Variants in RTF2 observed in about 807,000 individuals in gnomAD.
The protein encoded by RTF2 is UPF0549 protein C20orf43.
In RTF2, 18 loss-of-function variants were observed where a neutral mutation model predicts 38.0. The observed-to-expected ratio is 0.47, with a 90% CI of 0.33 to 0.70. The LOEUF (loss-of-function observed/expected upper bound fraction) is 0.70. Among genes scored for constraint, RTF2 ranks in the 30% least tolerant of loss-of-function variants. The probability of loss-of-function intolerance (pLI) is 0.02; values close to 1 mark genes in which losing one functional copy is unlikely to be tolerated. For missense variants in RTF2, 311 were observed against 379.6 expected (o/e 0.82, Z 1.50); for synonymous variants, 126 against 137.1 (o/e 0.92, Z 0.57).
chr20:56,509,402 G>A (rs1177426640), intron 5 of RTF2, among the ~76,000 whole-genome samples: 8 of 151,972 alleles, frequency 5.3e-5, no homozygotes, highest in South Asian at 2.1e-4. Flanking sequence ...ACCTGAGGTC[G>A]GGAGTTCAAG....
intron 5 of RTF2, among the ~76,000 whole-genome samples, chr20:56,512,876 A>G (rs1984773766): frequency 6.6e-6 from 1 of 152,206 alleles, no homozygotes; most frequent in Non-Finnish European, 1.5e-5. Context: ...GTTTTTGCCC[A>G]GGGAAGCAAA....
chr20:56,482,551 TATATA>T (rs1982578132), intron 4 of RTF2, among the ~76,000 whole-genome samples: 1 of 152,234 alleles, frequency 6.6e-6, no homozygotes, highest in African/African-American at 2.4e-5. Context: ...AAGATTTAAA[TATATA>T]GAAAAATGGA....
intron 1 of RTF2, chr20:56,470,819 C>T (rs1258767067): frequency 5.2e-6 from 2 of 382,078 alleles, no homozygotes; most frequent in Admixed American, 2.9e-5. Flanking sequence ...ACAACATCCA[C>T]ATGCCAGGAG....
At chr20:56,473,825 C>A (rs1171495457) in intron 2 of RTF2, among the ~76,000 whole-genome samples, 1 of 152,028 alleles carries the variant, frequency 6.6e-6, no homozygotes, top group African/African-American at 2.4e-5. Flanking sequence ...GAGGTTGAAG[C>A]TGTAGTAAGC....
At chr20:56,517,052 G>C (rs368600068) in intron 7 of RTF2, 54 bp from the exon 8 acceptor site, 4 of 1,608,928 alleles carry the variant, frequency 2.5e-6, no homozygotes, top group Non-Finnish European at 3.4e-6. Flanking sequence ...CTGCTAATAT[G>C]TTCATGCTTT....
chr20:56,468,689 C>A lies in RTF2; in HGVS notation c.-9C>A, dbSNP rs200260681. On this transcript the variant is annotated 5_prime_UTR_variant, in exon 1 of 9. Transcript: ENST00000357348. Reference sequence around the variant, plus strand: ...GGGGTTTGCTGCTGGCTCTGACTCCCGTCCTGCGATGGGTTGCGACGGGGG... The same window carrying A: ...GGGGTTTGCTGCTGGCTCTGACTCCAGTCCTGCGATGGGTTGCGACGGGGG... 1.5e-5 allele frequency: 23 copies of A among 1,572,552 alleles called. No homozygotes were observed. In the Admixed American group the frequency reaches 3.4e-4, roughly 23 times the overall value.
At chr20:56,478,343 TA>T (rs1172074526) in intron 4 of RTF2, among the ~76,000 whole-genome samples, 1 of 151,986 alleles carries the variant, frequency 6.6e-6, no homozygotes, top group Non-Finnish European at 1.5e-5. Context: ...AATTTTTTTT[TA>T]ATTAGCCAGC....
In RTF2 at chr20:56,518,186, T is replaced by A; in HGVS notation, c.842T>A (p.Leu281His). ...DSEESEAYKS[L>H]FTTHSSAKRS... Reference sequence around the variant, plus strand: ...GAAGAATCGGAGGCCTACAAGTCCCTCTTTACCACTCACAGCTCCGCCAAG... The same window carrying A: ...GAAGAATCGGAGGCCTACAAGTCCCACTTTACCACTCACAGCTCCGCCAAG... Residue 281 changes from leucine to histidine, a missense_variant, in exon 9 of 9, where the codon CTC becomes CAC. Transcript: ENST00000357348. The A allele has an allele frequency of 6.2e-7, 1 of 1,614,156 alleles. No homozygotes were observed. The highest frequency in any genetic ancestry group is 8.5e-7 in the Non-Finnish European group (1 of 1,180,018).
intron 5 of RTF2, among the ~76,000 whole-genome samples, chr20:56,500,950 C>T (rs910300855): frequency 1.3e-5 from 2 of 151,860 alleles, no homozygotes; most frequent in Non-Finnish European, 2.9e-5. Context: ...TTTGTAGAGA[C>T]AAGGTTTTGC....
chr20:56,517,089 C>T lies in RTF2; in HGVS notation c.647-17C>T. 6.2e-7 allele frequency: 1 copy of T among 1,613,672 alleles called. No homozygotes were observed. Among genetic ancestry groups the T allele is most frequent in the Non-Finnish European group, 8.5e-7 (1 of 1,179,600 alleles). ...TTTTGCATTGTTTTTGCTTTGCCTA[C>T]TTTGTTTCTTTTACAGAAGCCCCAG... On this transcript the variant is annotated splice_polypyrimidine_tract_variant and intron_variant, in intron 7 of 8. Transcript: ENST00000357348.
rs1220500868 is a variant in RTF2 at position 56,473,398 on chromosome 20, A to G, written c.164+3A>G. On this transcript the variant is annotated splice_donor_region_variant and intron_variant, in intron 2 of 8. Coordinates refer to ENST00000357348, the MANE Select transcript of RTF2 (RefSeq NM_016407.5). ...ATAGTTGCCTGTGAACTTGGCAGGT[A>G]TGGTTTTTACACTTAATCAAGATGA... 19 of 1,601,888 alleles carry G rather than the reference A, an allele frequency of 1.2e-5. No individual in the cohort carries two copies. In the Middle Eastern group the frequency reaches 5.0e-4, roughly 42 times the overall value.
chr20:56,497,294 T>C lies in RTF2; in HGVS notation c.477+13105T>C, dbSNP rs1983610694. On this transcript the variant is annotated intron_variant, in intron 5 of 8. Transcript: ENST00000357348. ...TATATGCCAAAGAGAAATCGCCCTC[T>C]TCTGCAGACAGGGGTCTGGTTATGA... The C allele has an allele frequency of 2.6e-6, 4 of 1,551,082 alleles. No individual in the cohort carries two copies. The South Asian group carries it at 4.8e-5, about 18-fold the overall frequency.
chr20:56,495,144 T>G, intron 5 of RTF2: 1 of 1,234,042 alleles, frequency 8.1e-7, no homozygotes, highest in Non-Finnish European at 1.2e-6. Flanking sequence ...GAGGCAGCAG[T>G]TTTATAGTTG....
At chr20:56,472,346 G>C in intron 1 of RTF2, 1 of 1,544,100 alleles carries the variant, frequency 6.5e-7, no homozygotes, top group Non-Finnish European at 8.8e-7. Flanking sequence ...TGAAGAATGG[G>C]AAAGAGTGGT....
chr20:56,478,776 A>C (rs971515583), intron 4 of RTF2, among the ~76,000 whole-genome samples: 1 of 152,212 alleles, frequency 6.6e-6, no homozygotes, highest in Non-Finnish European at 1.5e-5. Context: ...TGACTCTTTC[A>C]TGAAAGATTT....
chr20:56,505,626 C>T (rs1984219944), intron 5 of RTF2, among the ~76,000 whole-genome samples: 3 of 152,082 alleles, frequency 2.0e-5, no homozygotes, highest in South Asian at 4.2e-4. Flanking sequence ...CATTCTACAT[C>T]TGGAAGGAGG....
intron 1 of RTF2, 37 bp from the exon 2 acceptor site, chr20:56,473,264 G>C (rs778589474): frequency 2.2e-6 from 3 of 1,395,122 alleles, no homozygotes; most frequent in East Asian, 4.6e-5. Context: ...GTGTCTTTCA[G>C]AGTTGAAAAT....
At chr20:56,514,323 T>C (rs1984880485) in intron 6 of RTF2, 1 of 151,924 alleles carries the variant, frequency 6.6e-6, no homozygotes, top group Admixed American at 6.6e-5. Flanking sequence ...ATACAGGCCT[T>C]TCGTGAGTGG....
chr20:56,478,540 A>G (rs754555681), intron 4 of RTF2, among the ~76,000 whole-genome samples: 6 of 152,330 alleles, frequency 3.9e-5, no homozygotes, highest in Middle Eastern at 3.4e-3. Flanking sequence ...TAAGTGTGCA[A>G]TAGCATTATG....
Sources: allele counts gnomAD v4.1 joint callset (sites outside exome capture counted in the v4.1 genomes callset), GRCh38; gene constraint gnomAD v4.1.1; transcripts MANE v1.5; gene names NCBI Gene and HGNC (gene_info 2026-07-23, HGNC 2026-07-21).